The following BBS9 variants were observed in gnomAD, a reference collection of about 807,000 sequenced individuals.
The protein encoded by BBS9 is Bardet-Biedl syndrome 9.
In BBS9, 89 loss-of-function variants were observed where a neutral mutation model predicts 117.7. That is an observed-to-expected ratio of 0.76 (90% CI 0.64 to 0.90). The LOEUF (loss-of-function observed/expected upper bound fraction) is 0.90, where lower values mean the gene tolerates loss of function less well. BBS9 is among the 40% of genes least tolerant of loss of function. The probability of loss-of-function intolerance (pLI) is 0.00; values close to 1 mark genes in which losing one functional copy is unlikely to be tolerated. For missense variants in BBS9, 982 were observed against 1,042.2 expected (o/e 0.94, Z 0.80); for synonymous variants, 379 against 370.9 (o/e 1.02, Z -0.25).
At chr7:33,273,978 A>G in intron 9 of BBS9, 22 bp downstream of exon 9, 1 of 1,612,302 alleles carries the variant, frequency 6.2e-7, no homozygotes, top group Non-Finnish European at 8.5e-7. Context: ...AATTTAACAC[A>G]GTTTTTAAAG....
chr7:33,177,986 G>T, intron 5 of BBS9: 1 of 191,148 alleles, frequency 5.2e-6, no homozygotes, highest in South Asian at 9.7e-5. Flanking sequence ...CTGAAACTGA[G>T]CTCTTTTTGT....
At chr7:33,342,963 A>G (rs1816839103) in intron 11 of BBS9, among the ~76,000 whole-genome samples, 1 of 152,204 alleles carries the variant, frequency 6.6e-6, no homozygotes, top group African/African-American at 2.4e-5. Context: ...AATATAATTT[A>G]TATTAGAATG....
chr7:33,239,186 C>G (rs1247346998), intron 5 of BBS9, among the ~76,000 whole-genome samples: 4 of 152,028 alleles, frequency 2.6e-5, no homozygotes, highest in Non-Finnish European at 5.9e-5. Flanking sequence ...GTGACATCTT[C>G]TTATATTTGC....
intron 9 of BBS9, among the ~76,000 whole-genome samples, chr7:33,297,450 G>A (rs1488998186): frequency 6.6e-6 from 1 of 152,128 alleles, no homozygotes; most frequent in African/African-American, 2.4e-5. Flanking sequence ...CTTTAGCGGT[G>A]GGTGACTTGG....
intron 19 of BBS9, among the ~76,000 whole-genome samples, chr7:33,433,333 A>G (rs1584808818): frequency 1.3e-5 from 2 of 152,196 alleles, no homozygotes; most frequent in African/African-American, 2.4e-5. Flanking sequence ...CCTCCAATAC[A>G]TCATTGGTAG....
At chr7:33,519,827 A>G (rs763495297) in intron 20 of BBS9, among the ~76,000 whole-genome samples, 2 of 152,144 alleles carry the variant, frequency 1.3e-5, no homozygotes, top group Non-Finnish European at 2.9e-5. Flanking sequence ...CAAGTGTGGT[A>G]TTTACAGCTA....
intron 21 of BBS9, among the ~76,000 whole-genome samples, chr7:33,634,998 C>A (rs1180414853): frequency 6.6e-6 from 1 of 152,210 alleles, no homozygotes; most frequent in African/African-American, 2.4e-5. Flanking sequence ...TGGCCTCCCA[C>A]ACTCGCAGTG....
intron 19 of BBS9, among the ~76,000 whole-genome samples, chr7:33,451,031 G>A (rs1403848664): frequency 7.3e-5 from 11 of 151,434 alleles, no homozygotes; most frequent in African/African-American, 1.9e-4. Context: ...TGGGACTACA[G>A]GCGCCCGCCA....
chr7:33,530,643 C>G (rs1850431813), intron 20 of BBS9, among the ~76,000 whole-genome samples: 2 of 152,092 alleles, frequency 1.3e-5, no homozygotes, highest in South Asian at 4.1e-4. Flanking sequence ...AAACTCAATT[C>G]TAGATATTAG....
intron 2 of BBS9, among the ~76,000 whole-genome samples, chr7:33,147,793 G>T (rs1280640619): frequency 6.6e-6 from 1 of 152,186 alleles, no homozygotes; most frequent in Non-Finnish European, 1.5e-5. Flanking sequence ...CTACCAGTAG[G>T]TTACGAATAT....
At chr7:33,598,617 A>G (rs1459444872) in intron 21 of BBS9, among the ~76,000 whole-genome samples, 4 of 152,236 alleles carry the variant, frequency 2.6e-5, no homozygotes, top group Non-Finnish European at 4.4e-5. Context: ...TCTCTGTACT[A>G]GCTGATAAAT....
chr7:33,534,864 A>G (rs1367231344), intron 21 of BBS9, among the ~76,000 whole-genome samples: 1 of 152,198 alleles, frequency 6.6e-6, no homozygotes, highest in Non-Finnish European at 1.5e-5. Flanking sequence ...GGCAGCAGCA[A>G]GGAGCATTAC....
At chr7:33,464,647 A>C (rs575361305) in intron 19 of BBS9, among the ~76,000 whole-genome samples, 2 of 152,096 alleles carry the variant, frequency 1.3e-5, no homozygotes, top group African/African-American at 4.8e-5. Flanking sequence ...GTTAGGTTGT[A>C]AATAAAAAGT....
chr7:33,557,730 G>T (rs1005971513), intron 21 of BBS9, among the ~76,000 whole-genome samples: 10 of 152,212 alleles, frequency 6.6e-5, no homozygotes, highest in African/African-American at 2.4e-4. Context: ...GCTGCAGTCT[G>T]CTTCCAGACT....
intron 19 of BBS9, among the ~76,000 whole-genome samples, chr7:33,465,251 A>G (rs1007646656): frequency 2.7e-5 from 4 of 148,964 alleles, no homozygotes; most frequent in African/African-American, 7.4e-5. Context: ...AAAAAAAAAC[A>G]TGATTTATTC....
At chr7:33,425,376 A>T (rs979565505) in intron 19 of BBS9, among the ~76,000 whole-genome samples, 2 of 152,208 alleles carry the variant, frequency 1.3e-5, no homozygotes, top group Admixed American at 6.5e-5. Flanking sequence ...TCCAGGGTAC[A>T]TATGCAGGAT....
intron 19 of BBS9, among the ~76,000 whole-genome samples, chr7:33,392,380 G>A (rs1296482959): frequency 6.6e-6 from 1 of 152,184 alleles, no homozygotes; most frequent in Non-Finnish European, 1.5e-5. Context: ...ATTTACTCAT[G>A]TATTTGGCAG....
chr7:33,554,504 A>AG (rs531321069), intron 21 of BBS9, among the ~76,000 whole-genome samples: 132 of 152,294 alleles, frequency 8.7e-4, no homozygotes, highest in African/African-American at 3.1e-3. Flanking sequence ...AAAGGGAGGA[A>AG]GCAAAGATGA....
intron 12 of BBS9, chr7:33,346,302 A>G: frequency 2.1e-6 from 1 of 468,766 alleles, no homozygotes. Context: ...CATCCGTTCC[A>G]AGTGAATGAA....
Sources: allele counts gnomAD v4.1 joint callset (sites outside exome capture counted in the v4.1 genomes callset), GRCh38; gene constraint gnomAD v4.1.1; transcripts MANE v1.5; gene names NCBI Gene and HGNC (gene_info 2026-07-23, HGNC 2026-07-21).